Variants in FOXJ3 observed in about 807,000 individuals in gnomAD.
The protein encoded by FOXJ3 is forkhead box protein J3.
In FOXJ3, 22 loss-of-function variants were observed where a neutral mutation model predicts 76.1. The observed-to-expected ratio is 0.29, with a 90% CI of 0.21 to 0.41. FOXJ3 has a LOEUF of 0.41. FOXJ3 is among the 10% of genes least tolerant of loss of function. The pLI, the probability that FOXJ3 is intolerant of heterozygous loss-of-function variation, is 1.00. For missense variants in FOXJ3, 613 were observed against 762.1 expected (o/e 0.80, Z 2.30); for synonymous variants, 269 against 261.2 (o/e 1.03, Z -0.29).
At chr1:42,296,670 A>T (rs1653810458) in intron 2 of FOXJ3, among the ~76,000 whole-genome samples, 1 of 152,162 alleles carries the variant, frequency 6.6e-6, no homozygotes, top group Non-Finnish European at 1.5e-5. Flanking sequence ...ATCTCTATGC[A>T]TATTTTTGTA....
chr1:42,271,431 G>T (rs1182058659), intron 3 of FOXJ3, among the ~76,000 whole-genome samples: 1 of 151,568 alleles, frequency 6.6e-6, no homozygotes, highest in Non-Finnish European at 1.5e-5. Context: ...ATCCCCTAGG[G>T]GTAGTTATAT....
chr1:42,211,271 G>A (rs1447773261), intron 5 of FOXJ3, among the ~76,000 whole-genome samples: 1 of 152,108 alleles, frequency 6.6e-6, no homozygotes, highest in Non-Finnish European at 1.5e-5. Flanking sequence ...TAAAGGAGGT[G>A]TGCCCTCCAG....
chr1:42,199,414 A>G (rs573662803), intron 6 of FOXJ3, among the ~76,000 whole-genome samples, 184 bp from the exon 7 acceptor site: 4 of 152,324 alleles, frequency 2.6e-5, no homozygotes, highest in Non-Finnish European at 4.4e-5. Flanking sequence ...AATTTTCTCA[A>G]TACTCAAACT....
At chr1:42,261,750 C>T (rs1651055498) in intron 4 of FOXJ3, among the ~76,000 whole-genome samples, 2 of 152,154 alleles carry the variant, frequency 1.3e-5, no homozygotes, top group East Asian at 1.9e-4. Context: ...TTATAAAGTC[C>T]GTCCCATACC....
chr1:42,229,984 A>C (rs1647935014), intron 4 of FOXJ3, among the ~76,000 whole-genome samples: 2 of 152,198 alleles, frequency 1.3e-5, no homozygotes, highest in African/African-American at 4.8e-5. Flanking sequence ...CTGATTTGTT[A>C]GTAAACCTTT....
chr1:42,284,692 A>G (rs1454698031), intron 2 of FOXJ3, among the ~76,000 whole-genome samples: 1 of 152,220 alleles, frequency 6.6e-6, no homozygotes, highest in Admixed American at 6.5e-5. Context: ...TTCCACCCAG[A>G]CTATTGTTTC....
At position 42,324,607 on chromosome 1, in the gene FOXJ3, G is replaced by C. The variant is rs1438373075; in HGVS notation, c.-18+10452C>G. ...TGTACTTCCACAAACCTAGATGGTAGAGCCTACTACACACCCATGCTATAT... is the reference window on the plus strand; with the variant it reads ...TGTACTTCCACAAACCTAGATGGTACAGCCTACTACACACCCATGCTATAT... On this transcript the variant is annotated intron_variant, in intron 1 of 12. Transcript: ENST00000361346. Among the ~76,000 whole-genome samples, 4 of 152,128 alleles carry C rather than the reference G, an allele frequency of 2.6e-5. No homozygotes were observed. In the East Asian group the frequency reaches 5.8e-4, roughly 22 times the overall value.
intron 1 of FOXJ3, among the ~76,000 whole-genome samples, chr1:42,333,456 C>T (rs1394900725): frequency 6.6e-6 from 1 of 151,992 alleles, no homozygotes; most frequent in Non-Finnish European, 1.5e-5. Flanking sequence ...GTTTTGTCCT[C>T]GGCAGCACAA....
chr1:42,222,439 C>A (rs1430351729), intron 5 of FOXJ3, among the ~76,000 whole-genome samples: 1 of 152,106 alleles, frequency 6.6e-6, no homozygotes, highest in Admixed American at 6.5e-5. Context: ...TATGCTGAGA[C>A]AATAAGCAAC....
At chr1:42,281,157 C>T (rs1432615696) in intron 2 of FOXJ3, among the ~76,000 whole-genome samples, 1 of 151,920 alleles carries the variant, frequency 6.6e-6, no homozygotes, top group Non-Finnish European at 1.5e-5. Context: ...ATATATTTAA[C>T]AAGGATGCAT....
At chr1:42,258,775 G>A (rs1650804952) in intron 4 of FOXJ3, among the ~76,000 whole-genome samples, 1 of 152,112 alleles carries the variant, frequency 6.6e-6, no homozygotes, top group African/African-American at 2.4e-5. Context: ...GACATATCTT[G>A]CTTTTAAATC....
At chr1:42,198,133 A>G (rs1646689278) in intron 7 of FOXJ3, among the ~76,000 whole-genome samples, 1 of 152,164 alleles carries the variant, frequency 6.6e-6, no homozygotes. Context: ...AACTGCTTCT[A>G]TAACAACTTT....
At chr1:42,296,487 G>C (rs1653796249) in intron 2 of FOXJ3, among the ~76,000 whole-genome samples, 1 of 152,192 alleles carries the variant, frequency 6.6e-6, no homozygotes, top group African/African-American at 2.4e-5. Flanking sequence ...TACATGGTGA[G>C]ACACAAGGGT....
intron 1 of FOXJ3, among the ~76,000 whole-genome samples, chr1:42,321,367 G>A (rs941532790): frequency 1.3e-5 from 2 of 152,138 alleles, no homozygotes; most frequent in Non-Finnish European, 2.9e-5. Flanking sequence ...CAAGGACATG[G>A]TGATGAGCAA....
At chr1:42,264,994 G>A in intron 4 of FOXJ3, 121 bp downstream of exon 4, 1 of 760,892 alleles carries the variant, frequency 1.3e-6, no homozygotes, top group Admixed American at 1.9e-5. Flanking sequence ...CTTTAGAGCA[G>A]GGTGGGGGAG....
At chr1:42,208,228 T>C (rs1198653824) in intron 5 of FOXJ3, among the ~76,000 whole-genome samples, 1 of 152,226 alleles carries the variant, frequency 6.6e-6, no homozygotes, top group Non-Finnish European at 1.5e-5. Context: ...TGATGACCAC[T>C]AGAATATATC....
intron 11 of FOXJ3, among the ~76,000 whole-genome samples, chr1:42,187,682 G>A (rs1384425829): frequency 6.6e-6 from 1 of 152,168 alleles, no homozygotes; most frequent in African/African-American, 2.4e-5. Flanking sequence ...AAAGGAGAGA[G>A]AGAGAGAGAC....
intron 4 of FOXJ3, among the ~76,000 whole-genome samples, chr1:42,236,859 G>A (rs769073439): frequency 2.0e-5 from 3 of 152,206 alleles, no homozygotes; most frequent in Non-Finnish European, 4.4e-5. Context: ...CTACTGATGT[G>A]TGGTTGTGCC....
intron 1 of FOXJ3, among the ~76,000 whole-genome samples, chr1:42,319,139 A>C (rs567337392): frequency 6.6e-6 from 1 of 152,266 alleles, no homozygotes; most frequent in African/African-American, 2.4e-5. Context: ...CTGAGGTGGA[A>C]GGATCAATTG....
Sources: gnomAD v4.1 joint callset for allele counts (sites outside exome capture counted in the v4.1 genomes callset) on GRCh38, gnomAD v4.1.1 for gene constraint, MANE v1.5 for transcripts, NCBI Gene and HGNC (gene_info 2026-07-23, HGNC 2026-07-21) for gene names.